WDR19: variants seen among roughly 807,000 people sequenced by gnomAD.
The protein encoded by WDR19 is WD repeat domain 19.
WDR19 carries 121 observed loss-of-function variants against 180.0 expected under a neutral mutation model. The observed-to-expected ratio is 0.67, with a 90% CI of 0.58 to 0.78. The LOEUF (loss-of-function observed/expected upper bound fraction) is 0.78. Ranked by LOEUF, WDR19 falls within the 30% of genes least tolerant of loss-of-function variation. WDR19 has a pLI of 0.00. For missense variants in WDR19, 1,450 were observed against 1,640.7 expected (o/e 0.88, Z 2.01); for synonymous variants, 497 against 540.7 (o/e 0.92, Z 1.12).
chr4:39,257,359 G>A lies in WDR19; in HGVS notation c.3115-127G>A. The A allele has an allele frequency of 3.5e-6, 3 of 867,810 alleles. No individual in the cohort carries two copies. In the South Asian group the frequency reaches 4.9e-5, roughly 14 times the overall value. 53.8% of individuals were successfully genotyped at this position (867,810 alleles called of 1,614,324 possible). On this transcript the variant is annotated intron_variant, in intron 27 of 36. Transcript: ENST00000399820. The stretch of plus-strand genomic sequence containing the variant: ...ATATTTAAGATCCAACACCATGCAA[G>A]CCCCTGGTTGAGATGAAGATACTTT...
rs987006443 is a variant in WDR19, at chr4:39,244,589, G to T, written c.2645+37G>T. On this transcript the variant is annotated intron_variant, in intron 23 of 36. Coordinates refer to ENST00000399820, the MANE Select transcript of WDR19 (RefSeq NM_025132.4). ...CTGCGGTTTGTTTCTGAACAGGATTGGAAATGAATGTGCCTCTGGGGTCTC... is the reference window on the plus strand; with the variant it reads ...CTGCGGTTTGTTTCTGAACAGGATTTGAAATGAATGTGCCTCTGGGGTCTC... 4.3e-6 allele frequency: 7 copies of T among 1,611,820 alleles called. No individual in the cohort carries two copies. In the Middle Eastern group the frequency reaches 5.0e-4, roughly 114 times the overall value.
At chr4:39,231,749 A>G (rs1457643326) in intron 17 of WDR19, 48 bp from the exon 18 acceptor site, 27 of 1,489,508 alleles carry the variant, frequency 1.8e-5, no homozygotes, top group Middle Eastern at 1.8e-4. Flanking sequence ...ATTGCCTAAC[A>G]TGTGGCAAGT....
At chr4:39,262,429 T>C (rs1220801928) in intron 28 of WDR19, among the ~76,000 whole-genome samples, 5 of 152,118 alleles carry the variant, frequency 3.3e-5, no homozygotes, top group Non-Finnish European at 7.4e-5. Flanking sequence ...TTTGTAGAGA[T>C]GGGTTTTTGC....
intron 19 of WDR19, among the ~76,000 whole-genome samples, chr4:39,233,501 C>T (rs919681226): frequency 5.3e-5 from 8 of 152,128 alleles, no homozygotes; most frequent in African/African-American, 1.9e-4. Flanking sequence ...AGCACAGTGC[C>T]TGATCAATAG....
chr4:39,276,427 T>C (rs146914229), intron 33 of WDR19, among the ~76,000 whole-genome samples: 1 of 152,224 alleles, frequency 6.6e-6, no homozygotes, highest in Non-Finnish European at 1.5e-5. Flanking sequence ...TGCTAGTCAT[T>C]CTCTCCCCAT....
At chr4:39,199,648 A>G (rs1409753974) in intron 6 of WDR19, 55 bp downstream of exon 6, 10 of 1,416,950 alleles carry the variant, frequency 7.1e-6, no homozygotes, top group Non-Finnish European at 9.9e-6. Context: ...CCCCAAATAA[A>G]TAGTTTGTCT....
chr4:39,219,460 G>T (rs1729432666), intron 14 of WDR19, among the ~76,000 whole-genome samples: 1 of 152,220 alleles, frequency 6.6e-6, no homozygotes, highest in African/African-American at 2.4e-5. Flanking sequence ...CAGGTGGCAT[G>T]ATTTGTTAAT....
chr4:39,260,912 T>C (rs1734224367), intron 28 of WDR19, among the ~76,000 whole-genome samples: 1 of 152,234 alleles, frequency 6.6e-6, no homozygotes, highest in African/African-American at 2.4e-5. Flanking sequence ...CCAAGTATCA[T>C]TACATGAAGA....
Position 39,277,027 on chromosome 4 carries a change from G to A in WDR19, c.3724G>A (p.Asp1242Asn), listed in dbSNP as rs759579016. 6.2e-6 allele frequency: 10 copies of A among 1,612,822 alleles called. No homozygotes were observed. The highest frequency in any genetic ancestry group is 4.5e-5 in the East Asian group (2 of 44,842). The change falls in exon 34 of 37, where the codon GAT (aspartate) becomes AAT (asparagine). Residue 1242 changes from aspartate to asparagine, a missense_variant. Asp to Asn is a conservative substitution (Grantham distance 23). Coordinates refer to ENST00000399820, the MANE Select transcript of WDR19 (RefSeq NM_025132.4). ...KKIEGMVRRP[D>N]ISEIEEATTP... ...CATGATTCTTCCTCACAGGAGACCC[G>A]ATATATCTGAGATAGAAGAGGCCAC...
In WDR19 at chr4:39,245,417, T is replaced by C. The variant is rs1732420942; in HGVS notation, c.2694T>C (p.His898=). The change falls in exon 24 of 37, where the codon CAT becomes CAC. Residue 898 remains histidine, a synonymous_variant. Coordinates refer to ENST00000399820, the MANE Select transcript of WDR19 (RefSeq NM_025132.4). ...LLPHVSSPKI[H]LQYAKAKEAD... is the part of the protein sequence containing the mutation. ...CCCACGTTTCTTCTCCTAAGATCCA[T>C]TTGCAGTATGCCAAAGCCAAGGAAG... 6.2e-7 allele frequency: 1 copy of C among 1,613,850 alleles called. No homozygotes were observed.
intron 19 of WDR19, among the ~76,000 whole-genome samples, chr4:39,233,050 A>G (rs929244371): frequency 6.6e-6 from 1 of 152,140 alleles, no homozygotes; most frequent in South Asian, 2.1e-4. Context: ...TTTTCTAAGC[A>G]CTTATCATGT....
chr4:39,273,040 A>C lies in WDR19; in HGVS notation c.3544A>C (p.Asn1182His). 3 of 1,605,464 alleles carry C rather than the reference A, an allele frequency of 1.9e-6. No homozygotes were observed. The highest frequency in any genetic ancestry group is 2.6e-6 in the Non-Finnish European group (3 of 1,176,128). ...GARMLIRVAN[N>H]ISKFPSHIVP... ...TCGCATGCTCATTCGGGTGGCCAAC[A>C]ACATCAGCAAATTTCCATCACGTAA... is the stretch of plus-strand genomic sequence containing the variant. Residue 1182 changes from asparagine to histidine, a missense_variant, in exon 32 of 37, where the codon AAC (asparagine) becomes CAC (histidine). Coordinates refer to ENST00000399820, the MANE Select transcript of WDR19 (RefSeq NM_025132.4).
intron 29 of WDR19, among the ~76,000 whole-genome samples, chr4:39,267,557 A>G (rs575183186): frequency 6.6e-6 from 1 of 152,402 alleles, no homozygotes; most frequent in South Asian, 2.1e-4. Flanking sequence ...GAAAATTGAT[A>G]TGCATATAAA....
At chr4:39,255,404 G>A (rs1225938730) in intron 26 of WDR19, among the ~76,000 whole-genome samples, 1 of 152,120 alleles carries the variant, frequency 6.6e-6, no homozygotes, top group African/African-American at 2.4e-5. Flanking sequence ...TAAACAATGA[G>A]TTGGAATTCC....
At chr4:39,266,498 G>T (rs1389170987) in intron 29 of WDR19, among the ~76,000 whole-genome samples, 1 of 152,218 alleles carries the variant, frequency 6.6e-6, no homozygotes, top group East Asian at 1.9e-4. Flanking sequence ...TGGACAAGTT[G>T]ATCTAGACAG....
intron 5 of WDR19, among the ~76,000 whole-genome samples, chr4:39,198,857 G>T (rs1727065410): frequency 6.6e-6 from 1 of 152,106 alleles, no homozygotes; most frequent in Non-Finnish European, 1.5e-5. Flanking sequence ...AAAATTAGTT[G>T]GGTGTGGTGG....
At chr4:39,234,949 A>G in intron 20 of WDR19, 74 bp downstream of exon 20, 2 of 801,216 alleles carry the variant, frequency 2.5e-6, no homozygotes, top group Non-Finnish European at 4.2e-6. Context: ...ACTTCCATTA[A>G]TGATAAGGCC....
intron 4 of WDR19, among the ~76,000 whole-genome samples, chr4:39,191,409 T>C (rs1726137073): frequency 6.6e-6 from 1 of 152,092 alleles, no homozygotes; most frequent in South Asian, 2.1e-4. Context: ...CTGAAGTGAG[T>C]CTTTTGAGCA....
intron 35 of WDR19, 58 bp from the exon 36 acceptor site, chr4:39,278,481 C>A: frequency 7.1e-7 from 1 of 1,400,132 alleles, no homozygotes; most frequent in South Asian, 1.3e-5. Flanking sequence ...TTAGAGTAAC[C>A]CAAAGCTAAA....
Sources: allele counts gnomAD v4.1 joint callset (sites outside exome capture counted in the v4.1 genomes callset), GRCh38; gene constraint gnomAD v4.1.1; transcripts MANE v1.5; gene names NCBI Gene and HGNC (gene_info 2026-07-23, HGNC 2026-07-21).